PHF24: variants seen among roughly 807,000 people sequenced by gnomAD.
The protein encoded by PHF24 is Galpha inhibitory interacting protein.
A neutral mutation model predicts 42.6 loss-of-function variants in PHF24; 25 were observed. The ratio of observed to expected loss-of-function variants is 0.59; its 90% confidence interval spans 0.43 to 0.82. The LOEUF (loss-of-function observed/expected upper bound fraction) is 0.82. PHF24 is among the 40% of genes least tolerant of loss of function. The probability of loss-of-function intolerance (pLI) is 0.00; values close to 1 mark genes in which losing one functional copy is unlikely to be tolerated. For synonymous variants in PHF24, 185 were observed against 204.8 expected (o/e 0.90, Z 0.83); for missense variants, 470 against 538.1 (o/e 0.87, Z 1.25).
At chr9:34,693,784 A>G in the PHF24 span, among the ~76,000 whole-genome samples, 4 of 152,134 alleles carry the variant, frequency 2.6e-5, no homozygotes, top group Non-Finnish European at 4.4e-5. Context: ...CTATGTTGTT[A>G]TGTTTATCAG....
the PHF24 span, among the ~76,000 whole-genome samples, chr9:34,775,549 G>C: frequency 1.3e-5 from 2 of 152,030 alleles, no homozygotes; most frequent in African/African-American, 2.4e-5. Context: ...TTTATGTTTT[G>C]TATATTTTAC....
the PHF24 span, chr9:34,917,443 C>A: frequency 1.3e-6 from 1 of 768,398 alleles, no homozygotes; most frequent in Non-Finnish European, 2.4e-6. Context: ...AGGACCCTTT[C>A]CGTAAGGATC....
At chr9:34,889,345 TG>T in the PHF24 span, 1 of 398,338 alleles carries the variant, frequency 2.5e-6, no homozygotes, top group Non-Finnish European at 4.4e-6. Context: ...CTGAAGGGAG[TG>T]TTGCTAGAGC....
the PHF24 span, among the ~76,000 whole-genome samples, chr9:34,680,417 G>A: frequency 6.6e-5 from 10 of 151,228 alleles, no homozygotes; most frequent in Admixed American, 5.3e-4. Context: ...GGCCGGGCGC[G>A]GTGGCTCACG....
the PHF24 span, chr9:34,708,980 G>GCCGTCGT: frequency 4.9e-6 from 1 of 205,538 alleles, no homozygotes; most frequent in Non-Finnish European, 9.6e-6. Flanking sequence ...CATCTCGGTG[G>GCCGTCGT]ACATAAACAC....
the PHF24 span, among the ~76,000 whole-genome samples, chr9:34,681,544 C>T: frequency 3.0e-4 from 46 of 152,418 alleles, no homozygotes; most frequent in Admixed American, 9.8e-4. Context: ...GGTGTGGTGG[C>T]TCACACCTGT....
At chr9:34,723,236 G>T in the PHF24 span, 1 of 1,551,328 alleles carries the variant, frequency 6.4e-7, no homozygotes, top group African/African-American at 1.4e-5. Flanking sequence ...CAGGAGCTAG[G>T]TTGGGTGCCC....
chr9:34,917,333 T>C, the PHF24 span: 1 of 866,264 alleles, frequency 1.2e-6, no homozygotes, highest in Non-Finnish European at 2.0e-6. Flanking sequence ...AGCCCAAGTG[T>C]GTGGAAGAGT....
chr9:34,850,220 C>G, the PHF24 span, among the ~76,000 whole-genome samples: 5 of 152,170 alleles, frequency 3.3e-5, no homozygotes, highest in African/African-American at 1.2e-4. Flanking sequence ...TCCATTCTCC[C>G]TGTCACTTTC....
the PHF24 span, among the ~76,000 whole-genome samples, chr9:34,796,407 C>T: frequency 1.6e-5 from 2 of 125,974 alleles, no homozygotes; most frequent in South Asian, 4.9e-4. Context: ...TTGCAAAAGA[C>T]ATTGTTAAAA....
the PHF24 span, among the ~76,000 whole-genome samples, chr9:34,787,078 G>T: frequency 2.6e-5 from 4 of 152,230 alleles, no homozygotes; most frequent in South Asian, 8.3e-4. Context: ...GATACGTCAG[G>T]AAAGGGGCTG....
the PHF24 span, among the ~76,000 whole-genome samples, chr9:34,863,415 CAGAGAGAG>C: frequency 0.63 from 92,767 of 146,826 alleles, 29,820 homozygotes; most frequent in East Asian, 0.8. Flanking sequence ...GCTGGCTCAT[CAGAGAGAG>C]AGAGAGAGAG....
the PHF24 span, among the ~76,000 whole-genome samples, chr9:34,945,972 AG>A: frequency 1.8e-4 from 27 of 152,218 alleles, no homozygotes; most frequent in African/African-American, 6.3e-4. Context: ...AGCCTGCCTT[AG>A]TACCCTGCTG....
the PHF24 span, among the ~76,000 whole-genome samples, chr9:34,830,674 A>C: frequency 6.6e-6 from 1 of 152,268 alleles, no homozygotes; most frequent in African/African-American, 2.4e-5. Flanking sequence ...GGCTCGACCG[A>C]AAAGGTAGCA....
the PHF24 span, among the ~76,000 whole-genome samples, chr9:34,908,063 G>A: frequency 6.6e-6 from 1 of 152,008 alleles, no homozygotes; most frequent in Non-Finnish European, 1.5e-5. Flanking sequence ...GGCTGGTCTC[G>A]AACTCCCGAC....
chr9:34,716,861 A>G, the PHF24 span, among the ~76,000 whole-genome samples: 3 of 152,130 alleles, frequency 2.0e-5, no homozygotes, highest in Admixed American at 2.0e-4. Context: ...TGCCCACCTC[A>G]GCCTTCCAAA....
intron 5 of PHF24, 120 bp downstream of exon 5, chr9:34,976,860 G>A: frequency 1.0e-6 from 1 of 963,070 alleles, no homozygotes; most frequent in Non-Finnish European, 1.5e-6. Flanking sequence ...TCAGGAATGG[G>A]CTCAGGTTCC....
the PHF24 span, chr9:34,918,239 C>T: frequency 1.3e-6 from 2 of 1,489,386 alleles, no homozygotes; most frequent in African/African-American, 1.4e-5. Context: ...CAGAAGCCCT[C>T]ATCCGCACGT....
chr9:34,957,587 G>A (rs558868329), upstream of PHF24: 1 of 152,216 alleles, frequency 6.6e-6, no homozygotes, highest in Non-Finnish European at 1.5e-5. Context: ...CTCGCTGCTG[G>A]AGATGAAAAA....
Sources: allele counts gnomAD v4.1 joint callset (sites outside exome capture counted in the v4.1 genomes callset), GRCh38; gene constraint gnomAD v4.1.1; transcripts MANE v1.5; gene names NCBI Gene and HGNC (gene_info 2026-07-23, HGNC 2026-07-21).